PLCB1: variants seen among roughly 807,000 people sequenced by gnomAD.
PLCB1 encodes 1-phosphatidylinositol 4,5-bisphosphate phosphodiesterase beta-1.
PLCB1 carries 46 observed loss-of-function variants against 161.8 expected under a neutral mutation model. That is an observed-to-expected ratio of 0.28 (90% CI 0.22 to 0.36). The LOEUF (loss-of-function observed/expected upper bound fraction) is 0.36. PLCB1 is among the 10% of genes least tolerant of loss of function. The probability of loss-of-function intolerance (pLI) is 1.00; values close to 1 mark genes in which losing one functional copy is unlikely to be tolerated. For missense variants in PLCB1, 1,016 were observed against 1,472.5 expected, an observed-to-expected ratio of 0.69 and a Z score of 5.07; for synonymous variants, 517 against 503.7, an observed-to-expected ratio of 1.03 and a Z score of -0.35.
chr20:8,668,359 A>ATAATTAATTTTATTT (rs1989865526), intron 9 of PLCB1, among the ~76,000 whole-genome samples: 1 of 152,210 alleles, frequency 6.6e-6, no homozygotes, highest in Non-Finnish European at 1.5e-5. Flanking sequence ...GTGACAGCAA[A>ATAATTAATTTTATTT]GATTATCTCC....
chr20:8,371,199 T>C (rs776553809), intron 2 of PLCB1, 183 bp from the exon 3 acceptor site: 7 of 540,246 alleles, frequency 1.3e-5, no homozygotes, highest in Non-Finnish European at 1.6e-5. Context: ...CAGTTAGCAG[T>C]TAGCTGTCTT....
chr20:8,717,960 G>C, intron 14 of PLCB1, 112 bp downstream of exon 14: 1 of 933,258 alleles, frequency 1.1e-6, no homozygotes, highest in Middle Eastern at 3.1e-4. Context: ...GGAGGCTGAG[G>C]CAGGTGGATT....
rs61008784 is a variant in PLCB1 at position 8,584,483 on chromosome 20, GACAC to G, written c.247-43790_247-43787del. The stretch of plus-strand genomic sequence containing the variant: ...AAACACACACACATACACACACACA[GACAC>G]ACACACACACACACACACACGTGGA... On this transcript the variant is annotated intron_variant, in intron 3 of 31. Coordinates refer to ENST00000338037, the MANE Select transcript of PLCB1 (RefSeq NM_015192.4). 1.7e-3 allele frequency among the ~76,000 whole-genome samples: 251 copies of G among 147,748 alleles called. 2 individuals carry two copies. Among genetic ancestry groups the G allele is most frequent in the Admixed American group, 7.0e-3 (104 of 14,846 alleles).
intron 2 of PLCB1, among the ~76,000 whole-genome samples, chr20:8,293,686 T>C (rs1264932988): frequency 6.6e-6 from 1 of 152,120 alleles, no homozygotes; most frequent in Non-Finnish European, 1.5e-5. Context: ...CCTCTTAATA[T>C]CATTATGAAA....
At chr20:8,495,349 G>A (rs1312912595) in intron 3 of PLCB1, among the ~76,000 whole-genome samples, 2 of 146,304 alleles carry the variant, frequency 1.4e-5, no homozygotes, top group Admixed American at 1.3e-4. Flanking sequence ...TGTACTTTGA[G>A]TTCAGCCGGT....
chr20:8,438,253 A>T, intron 3 of PLCB1, among the ~76,000 whole-genome samples: 1 of 152,196 alleles, frequency 6.6e-6, no homozygotes, highest in Admixed American at 6.5e-5. Context: ...AACCTACTTC[A>T]CACCATATAA....
chr20:8,532,221 C>T (rs144345005), intron 3 of PLCB1, among the ~76,000 whole-genome samples: 16 of 152,204 alleles, frequency 1.1e-4, no homozygotes, highest in East Asian at 1.9e-4. Flanking sequence ...AAACTGGGAA[C>T]GTATTAGATT....
intron 3 of PLCB1, among the ~76,000 whole-genome samples, chr20:8,504,971 A>G (rs1983575806): frequency 6.6e-6 from 1 of 152,156 alleles, no homozygotes; most frequent in Admixed American, 6.5e-5. Flanking sequence ...GGCTCAAGTA[A>G]TCCTTCTACC....
intron 2 of PLCB1, among the ~76,000 whole-genome samples, chr20:8,205,990 A>G (rs990543524): frequency 6.6e-6 from 1 of 152,054 alleles, no homozygotes; most frequent in Non-Finnish European, 1.5e-5. Flanking sequence ...ATTATAGTTT[A>G]TTTTTTCCAA....
intron 3 of PLCB1, among the ~76,000 whole-genome samples, chr20:8,544,707 C>T (rs1424695502): frequency 6.6e-6 from 1 of 152,198 alleles, no homozygotes; most frequent in Non-Finnish European, 1.5e-5. Flanking sequence ...GCCTTAACTT[C>T]AGGGCATGTG....
chr20:8,708,852 T>C, intron 12 of PLCB1, 100 bp downstream of exon 12: 3 of 711,892 alleles, frequency 4.2e-6, no homozygotes, highest in South Asian at 1.7e-5. Context: ...ATTAATGGTG[T>C]TCTTCAATCA....
chr20:8,688,871 ACT>A (rs900025240), intron 10 of PLCB1, among the ~76,000 whole-genome samples: 302 of 151,850 alleles, frequency 2.0e-3, no homozygotes, highest in African/African-American at 7.1e-3. Flanking sequence ...GTTTTTTCTA[ACT>A]CTGTGAAGAA....
intron 2 of PLCB1, among the ~76,000 whole-genome samples, chr20:8,163,075 C>T (rs553606791): frequency 6.6e-6 from 1 of 152,244 alleles, no homozygotes; most frequent in East Asian, 1.9e-4. Flanking sequence ...CAGTTGACTG[C>T]AAGGAAAGGA....
chr20:8,400,164 A>G (rs1348585588), intron 3 of PLCB1, among the ~76,000 whole-genome samples: 5 of 152,178 alleles, frequency 3.3e-5, no homozygotes, highest in Non-Finnish European at 4.4e-5. Context: ...TGTGGGTGAC[A>G]ATGTCATATT....
At chr20:8,217,933 C>T (rs1979219077) in intron 2 of PLCB1, among the ~76,000 whole-genome samples, 1 of 152,056 alleles carries the variant, frequency 6.6e-6, no homozygotes, top group Admixed American at 6.6e-5. Flanking sequence ...AGCCCCTTGC[C>T]AGATGCAGGC....
At chr20:8,248,977 G>A (rs1396944026) in intron 2 of PLCB1, among the ~76,000 whole-genome samples, 4 of 151,826 alleles carry the variant, frequency 2.6e-5, no homozygotes, top group Non-Finnish European at 4.4e-5. Context: ...ATTTTAACTC[G>A]AGATTTTAGG....
At chr20:8,641,218 G>A (rs1471456520) in intron 4 of PLCB1, among the ~76,000 whole-genome samples, 1 of 152,124 alleles carries the variant, frequency 6.6e-6, no homozygotes, top group African/African-American at 2.4e-5. Context: ...CCTAATGTTT[G>A]TAAACTATTC....
Position 8,810,258 on chromosome 20 carries a change from C to T in PLCB1, c.3423+19997C>T, listed in dbSNP as rs189197530. 2.2e-3 allele frequency among the ~76,000 whole-genome samples: 334 copies of T among 152,146 alleles called. 2 individuals are homozygous for T. Among genetic ancestry groups the T allele is most frequent in the Admixed American group, 0.019 (292 of 15,270 alleles). ...CTGTGAGGTTTAAAATTCAAGGCTC[C>T]GGAAGTTAAAGCGACGTGTCCAAGG... On this transcript the variant is annotated intron_variant, in intron 31 of 31. Coordinates refer to ENST00000338037, the MANE Select transcript of PLCB1 (RefSeq NM_015192.4).
At chr20:8,851,284 T>G (rs1247725444) in intron 31 of PLCB1, among the ~76,000 whole-genome samples, 1 of 152,212 alleles carries the variant, frequency 6.6e-6, no homozygotes, top group Non-Finnish European at 1.5e-5. Context: ...CTTTTCACTC[T>G]TTTTCTTTAC....
Sources: allele counts gnomAD v4.1 joint callset (sites outside exome capture counted in the v4.1 genomes callset), GRCh38; gene constraint gnomAD v4.1.1; transcripts MANE v1.5; gene names NCBI Gene and HGNC (gene_info 2026-07-23, HGNC 2026-07-21).